The following PIP5K1C variants were observed in gnomAD, a reference collection of about 807,000 sequenced individuals.
PIP5K1C encodes the protein phosphatidylinositol-4-phosphate 5-kinase type 1 gamma.
PIP5K1C carries 45 observed loss-of-function variants against 80.1 expected under a neutral mutation model. The ratio of observed to expected loss-of-function variants is 0.56; its 90% CI spans 0.44 to 0.72. PIP5K1C has a LOEUF of 0.72. Among genes scored for constraint, PIP5K1C ranks in the 30% least tolerant of loss-of-function variants. PIP5K1C has a pLI of 0.00. For synonymous variants in PIP5K1C, 498 were observed against 420.1 expected (o/e 1.19, Z -2.27); for missense variants, 753 against 954.6 (o/e 0.79, Z 2.78).
chr19:3,700,317 G>A lies in PIP5K1C; in HGVS notation c.74C>T (p.Ala25Val), dbSNP rs1473158880. Residue 25 changes from alanine to valine, a missense_variant, in exon 1 of 18, where the codon GCA becomes GTA. By Grantham distance (64) the Ala-to-Val change is moderately conservative. This residue lies in a region of PIP5K1C where 78 missense variants were observed against 67.1 expected (regional missense o/e 1.16). Coordinates refer to ENST00000335312, the MANE Select transcript of PIP5K1C (RefSeq NM_012398.3). Reference protein sequence around the residue: ...GAVPSEAAWAAESGAAAGLAQ... With the variant: ...GAVPSEAAWAVESGAAAGLAQ... ...GTTACCTGCCGCCGCCCCGCTCTCT[G>A]CCGCCCACGCCGCCTCCGAGGGCAC... is the stretch of plus-strand genomic sequence containing the variant. 3.9e-6 allele frequency: 5 copies of A among 1,291,960 alleles called. No individual in the cohort carries two copies. Among genetic ancestry groups the A allele is most frequent in the Non-Finnish European group, 5.0e-6 (5 of 1,003,362 alleles). The allele number at this position is 1,291,960 out of a possible 1,614,324, so 80.0% of individuals were successfully genotyped here.
chr19:3,691,200 C>T (rs576297810), intron 1 of PIP5K1C, among the ~76,000 whole-genome samples: 6 of 152,356 alleles, frequency 3.9e-5, no homozygotes, highest in East Asian at 3.9e-4. Flanking sequence ...GGGAAGAAGT[C>T]GCCTTGCACC....
Position 3,643,250 on chromosome 19 carries a change from GC to G in PIP5K1C, c.1641del (p.Arg548GlyfsTer63). On this transcript the variant is annotated frameshift_variant, in exon 13 of 18. Coordinates refer to ENST00000335312, the MANE Select transcript of PIP5K1C (RefSeq NM_012398.3). LOFTEE classifies it high-confidence loss of function. ...ERSPSETSEQ[P>X]RYRRRTQSSG... ...TGCGGATGCCTCGCCCACCTGTACC[GC>G]GGCTGCTCCGACGTCTCCGAGGGGG... The G allele has an allele frequency of 1.2e-6, 2 of 1,613,540 alleles. No homozygotes were observed. Among genetic ancestry groups the G allele is most frequent in the Non-Finnish European group, 1.7e-6 (2 of 1,179,922 alleles).
intron 5 of PIP5K1C, among the ~76,000 whole-genome samples, chr19:3,659,478 C>A (rs1332985572): frequency 6.6e-6 from 1 of 152,230 alleles, no homozygotes; most frequent in Admixed American, 6.5e-5. Context: ...CTAATGGACA[C>A]GGGTGCTGTC....
At chr19:3,649,131 C>A in intron 8 of PIP5K1C, among the ~76,000 whole-genome samples, 1 of 58,892 alleles carries the variant, frequency 1.7e-5, no homozygotes, top group Non-Finnish European at 3.2e-5. Flanking sequence ...ACGTCCCCTG[C>A]CCAGCGCGGG....
chr19:3,670,423 C>T (rs944471475), intron 1 of PIP5K1C, among the ~76,000 whole-genome samples: 1 of 152,062 alleles, frequency 6.6e-6, no homozygotes, highest in African/African-American at 2.4e-5. Flanking sequence ...GGGGAGGGCA[C>T]CACTCCTCCA....
intron 1 of PIP5K1C, among the ~76,000 whole-genome samples, chr19:3,673,340 A>G (rs2035268794): frequency 6.6e-6 from 1 of 151,812 alleles, no homozygotes; most frequent in African/African-American, 2.4e-5. Flanking sequence ...GCACCAAACG[A>G]TCCCCTCCTC....
chr19:3,659,649 G>A (rs2034762234), intron 5 of PIP5K1C, among the ~76,000 whole-genome samples: 1 of 152,112 alleles, frequency 6.6e-6, no homozygotes, highest in Admixed American at 6.5e-5. Flanking sequence ...AAGTCCGGAG[G>A]CTGGGCCTTG....
At chr19:3,642,540 G>C (rs749919562) in intron 14 of PIP5K1C, among the ~76,000 whole-genome samples, 40 of 152,340 alleles carry the variant, frequency 2.6e-4, no homozygotes, top group Non-Finnish European at 5.3e-4. Flanking sequence ...TGTGTTCCCA[G>C]AAAGTATCTT....
At chr19:3,660,747 C>G (rs926722144) in intron 5 of PIP5K1C, among the ~76,000 whole-genome samples, 9 of 152,116 alleles carry the variant, frequency 5.9e-5, no homozygotes, top group African/African-American at 2.2e-4. Context: ...CCAACGCCAG[C>G]CAGGACGGAG....
Position 3,638,141 on chromosome 19 carries a change from C to A in PIP5K1C, c.1920+743G>T, listed in dbSNP as rs2033785642. 15 of 1,166,560 alleles carry A rather than the reference C, an allele frequency of 1.3e-5. No individual in the cohort carries two copies. The East Asian group carries it at 3.9e-4, about 31-fold the overall frequency. The allele number at this position is 1,166,560 out of a possible 1,614,324, so 72.3% of individuals were successfully genotyped here. A position where few individuals can be genotyped will look rare whatever the true frequency, so the allele number is the denominator to read the frequency against. Reference sequence around the variant, plus strand: ...GAGAACAAACCATCTGGGAAGTGGGCTGCAGCCTCCGGCCCTCCCTGTGAC... The same window carrying A: ...GAGAACAAACCATCTGGGAAGTGGGATGCAGCCTCCGGCCCTCCCTGTGAC... On this transcript the variant is annotated intron_variant, in intron 16 of 17. Transcript: ENST00000335312.
At chr19:3,684,323 C>G (rs1370300534) in intron 1 of PIP5K1C, among the ~76,000 whole-genome samples, 1 of 152,238 alleles carries the variant, frequency 6.6e-6, no homozygotes, top group Non-Finnish European at 1.5e-5. Context: ...CACTCACACA[C>G]AGATGGGGAC....
In PIP5K1C at chr19:3,637,624, C is replaced by A; in HGVS notation, c.1920+1260G>T. On this transcript the variant is annotated intron_variant, in intron 16 of 17. Transcript: ENST00000335312. The surrounding 1 kb of genome is among the most constrained non-coding windows in gnomAD (Gnocchi z 7.0). ...CCTCCCATCCGTGAACTGGACGGGG[C>A]GGGCCGGGTGGGCCGGAGGAGGAAG... The A allele has an allele frequency of 3.0e-6, 1 of 331,724 alleles. No homozygotes were observed. Among genetic ancestry groups the A allele is most frequent in the Non-Finnish European group, 5.8e-6 (1 of 173,032 alleles). The allele number at this position is 331,724 out of a possible 1,614,324, so 20.5% of individuals were successfully genotyped here. A position where few individuals can be genotyped will look rare whatever the true frequency, so the allele number is the denominator to read the frequency against.
At chr19:3,663,156 G>A (rs1476507230) in intron 3 of PIP5K1C, among the ~76,000 whole-genome samples, 1 of 152,122 alleles carries the variant, frequency 6.6e-6, no homozygotes. Flanking sequence ...GTGAGCCTCC[G>A]CGCCCGGCCG....
intron 9 of PIP5K1C, 140 bp from the exon 10 acceptor site, chr19:3,647,526 G>A (rs1485078747): frequency 6.6e-6 from 5 of 762,060 alleles, no homozygotes; most frequent in Non-Finnish European, 1.1e-5. Context: ...CAGGGTGGCA[G>A]GTGCTCCTGG....
rs1030685210 is a variant in PIP5K1C at position 3,679,129 on chromosome 19, T to C, written c.95-11776A>G. ...TTGAAAATTCTCTTTAAAAATCCCT[T>C]TCCCCCAGGGGAAAGGTGAGTCTTT... is the stretch of plus-strand genomic sequence containing the variant. On this transcript the variant is annotated intron_variant, in intron 1 of 17. Coordinates refer to ENST00000335312, the MANE Select transcript of PIP5K1C (RefSeq NM_012398.3). Among the ~76,000 whole-genome samples the C allele has an allele frequency of 4.6e-5, 7 of 152,170 alleles. No individual in the cohort carries two copies. The East Asian group carries it at 1.4e-3, about 29-fold the overall frequency.
rs1032884267 is a variant in PIP5K1C at position 3,637,637 on chromosome 19, C to G, written c.1920+1247G>C. 12 of 1,515,176 alleles carry G rather than the reference C, an allele frequency of 7.9e-6. No individual in the cohort carries two copies. The highest frequency in any genetic ancestry group is 6.0e-5 in the Admixed American group (3 of 49,660). The allele number at this position is 1,515,176 out of a possible 1,614,324, so 93.9% of individuals were successfully genotyped here. On this transcript the variant is annotated intron_variant, in intron 16 of 17. Transcript: ENST00000335312. This position sits in a 1 kb window ranked among gnomAD's most constrained non-coding sequence, Gnocchi z 7.0. ...AACTGGACGGGGCGGGCCGGGTGGGCCGGAGGAGGAAGGAAAACAGAGGAC... is the reference window on the plus strand; with the variant it reads ...AACTGGACGGGGCGGGCCGGGTGGGGCGGAGGAGGAAGGAAAACAGAGGAC...
At chr19:3,655,128 A>AAAAAAAAT (rs2034578193) in intron 6 of PIP5K1C, among the ~76,000 whole-genome samples, 1 of 149,806 alleles carries the variant, frequency 6.7e-6, no homozygotes, top group African/African-American at 2.5e-5. Context: ...AAAAAAAAAA[A>AAAAAAAAT]AATGAAGAGG....
At chr19:3,661,720 TGACG>T (rs1197674051) in intron 4 of PIP5K1C, 147 bp downstream of exon 4, 2 of 865,346 alleles carry the variant, frequency 2.3e-6, no homozygotes, top group Admixed American at 4.0e-5. Context: ...ACAAACGTCC[TGACG>T]GACAGAGGGC....
chr19:3,651,795 G>A, intron 8 of PIP5K1C, 31 bp downstream of exon 8: 1 of 1,597,546 alleles, frequency 6.3e-7, no homozygotes, highest in Non-Finnish European at 8.6e-7. Context: ...AAGGGAAGCG[G>A]GACGGGTCCG....
Sources: gnomAD v4.1 joint callset for allele counts (sites outside exome capture counted in the v4.1 genomes callset) on GRCh38, gnomAD v4.1.1 for gene constraint, gnomAD v4.1.1 regional missense constraint, Gnocchi (gnomAD v3.1) non-coding constraint, MANE v1.5 for transcripts, NCBI Gene and HGNC (gene_info 2026-07-23, HGNC 2026-07-21) for gene names.